WDR44: variants seen among roughly 807,000 people sequenced by gnomAD.
WDR44 encodes WD repeat-containing protein 44.
In WDR44, 9 loss-of-function variants were observed where a neutral mutation model predicts 65.7. That is an observed-to-expected ratio of 0.14 (90% CI 0.08 to 0.24). The LOEUF is 0.24. WDR44 is among the 10% of genes least tolerant of loss of function. The probability of loss-of-function intolerance (pLI) is 1.00; values close to 1 mark genes in which losing one functional copy is unlikely to be tolerated. For missense variants in WDR44, 425 were observed against 670.9 expected (o/e 0.63, Z 4.05); for synonymous variants, 220 against 235.2 (o/e 0.94, Z 0.59).
At chrX:118,433,444 G>C (rs983797021) in intron 13 of WDR44, among the ~76,000 whole-genome samples, 9 of 110,990 alleles carry the variant, frequency 8.1e-5, no homozygotes, top group Non-Finnish European at 1.7e-4. Flanking sequence ...TATGTACCAA[G>C]TACTTTTCAT....
At chrX:118,349,828 G>C (rs2056388791) in intron 1 of WDR44, among the ~76,000 whole-genome samples, 1 of 112,075 alleles carries the variant, frequency 8.9e-6, no homozygotes, top group African/African-American at 3.2e-5. Context: ...GATTACAGGC[G>C]TGAGCCACCG....
At chrX:118,446,901 G>A (rs763944876) in intron 19 of WDR44, among the ~76,000 whole-genome samples, 4 of 109,184 alleles carry the variant, frequency 3.7e-5, no homozygotes, top group South Asian at 7.8e-4. Flanking sequence ...ACATGGTGTC[G>A]CTCTGTTGCC....
At chrX:118,373,919 G>GTTTTATTTTA (rs760319937) in intron 1 of WDR44, among the ~76,000 whole-genome samples, 1 of 111,694 alleles carries the variant, frequency 9.0e-6, no homozygotes, top group African/African-American at 3.3e-5. Flanking sequence ...GATGGCCATT[G>GTTTTATTTTA]TTTTATTTTA....
intron 1 of WDR44, among the ~76,000 whole-genome samples, chrX:118,376,667 A>T (rs1384877285): frequency 8.9e-6 from 1 of 111,844 alleles, no homozygotes; most frequent in East Asian, 2.8e-4. Flanking sequence ...CAAAAAAAAA[A>T]TGTGGGGGAA....
rs2057212214 is a variant in WDR44, at chrX:118,431,627, A to G, written c.1738-1154A>G. Among the ~76,000 whole-genome samples the G allele has an allele frequency of 2.7e-5, 3 of 111,937 alleles. No homozygotes were observed. In the Admixed American group the frequency reaches 2.9e-4, roughly 11 times the overall value. On this transcript the variant is annotated intron_variant, in intron 12 of 19. Transcript: ENST00000254029. ...CAAGGCCTTTTTGAATGTGATCCCA[A>G]AGTACCTTTCTACCCTAATTTCTGA...
chrX:118,359,825 A>C (rs1260514576), intron 1 of WDR44, among the ~76,000 whole-genome samples: 2 of 112,520 alleles, frequency 1.8e-5, no homozygotes, highest in Non-Finnish European at 3.7e-5. Context: ...GTAATAATTC[A>C]CATCTTGAAG....
At chrX:118,349,389 G>GT (rs1385616379) in intron 1 of WDR44, among the ~76,000 whole-genome samples, 1 of 108,081 alleles carries the variant, frequency 9.3e-6, no homozygotes, top group Non-Finnish European at 1.9e-5. Flanking sequence ...TCAGCTAAAG[G>GT]TTTTTTTAGA....
chrX:118,431,507 T>C (rs914810889), intron 12 of WDR44, among the ~76,000 whole-genome samples: 4 of 111,130 alleles, frequency 3.6e-5, no homozygotes, highest in African/African-American at 1.3e-4. Context: ...TTCTCCATGT[T>C]GGTCAGGCTG....
chrX:118,418,273 A>G (rs1472707959), intron 12 of WDR44, among the ~76,000 whole-genome samples: 2 of 111,415 alleles, frequency 1.8e-5, no homozygotes, highest in African/African-American at 3.3e-5. Context: ...TTGTTTTGTC[A>G]AATTACCAGA....
chrX:118,407,239 G>A (rs2056974889), intron 10 of WDR44, among the ~76,000 whole-genome samples: 1 of 111,933 alleles, frequency 8.9e-6, no homozygotes, highest in African/African-American at 3.2e-5. Flanking sequence ...GGTGGCTCAC[G>A]CCTGTAATCC....
intron 1 of WDR44, among the ~76,000 whole-genome samples, chrX:118,352,352 A>ATAT (rs1357425730): frequency 2.8e-4 from 4 of 14,224 alleles, no homozygotes; most frequent in Admixed American, 1.8e-3. Flanking sequence ...ATATATATAT[A>ATAT]TTTTTTTTTT....
At chrX:118,438,030 T>TA (rs775585860) in intron 14 of WDR44, among the ~76,000 whole-genome samples, 13,855 of 86,729 alleles carry the variant, frequency 0.16, 1,256 homozygotes, top group African/African-American at 0.35. Flanking sequence ...TGTCTCAAAA[T>TA]AAAAAAAAAA....
intron 1 of WDR44, among the ~76,000 whole-genome samples, chrX:118,368,459 C>CTATATATATATA (rs757542334): frequency 0.025 from 1,789 of 72,789 alleles, 167 homozygotes; most frequent in Admixed American, 0.097. Flanking sequence ...GAAATAGTGA[C>CTATATATATATA]TATATATATA....
chrX:118,431,847 TTAATA>T (rs937862533), intron 12 of WDR44, among the ~76,000 whole-genome samples: 2 of 111,968 alleles, frequency 1.8e-5, no homozygotes, highest in Non-Finnish European at 3.8e-5. Context: ...TGTGTGGCCT[TTAATA>T]TATTATTTTA....
intron 18 of WDR44, among the ~76,000 whole-genome samples, chrX:118,443,896 A>G (rs1229283581): frequency 9.0e-6 from 1 of 110,903 alleles, no homozygotes; most frequent in Non-Finnish European, 1.9e-5. Flanking sequence ...TACAAAAAAA[A>G]TTAGCCGGGC....
chrX:118,400,885 G>A (rs2056907372), intron 8 of WDR44, among the ~76,000 whole-genome samples: 1 of 96,388 alleles, frequency 1.0e-5, no homozygotes, highest in African/African-American at 3.9e-5. Context: ...TGATCTCATT[G>A]TTCAATTCCC....
intron 17 of WDR44, 141 bp from the exon 18 acceptor site, chrX:118,443,419 T>TGA: frequency 2.9e-6 from 2 of 691,073 alleles, no homozygotes; most frequent in Non-Finnish European, 4.2e-6. Context: ...ACATCTAGAG[T>TGA]GAGACCATGG....
At chrX:118,356,111 C>T (rs1194773327) in intron 1 of WDR44, among the ~76,000 whole-genome samples, 3 of 111,944 alleles carry the variant, frequency 2.7e-5, no homozygotes, top group Admixed American at 9.5e-5. Flanking sequence ...TGCTAACTAA[C>T]GGTGGGCATT....
At chrX:118,430,096 A>C (rs1361748228) in intron 12 of WDR44, among the ~76,000 whole-genome samples, 2 of 111,894 alleles carry the variant, frequency 1.8e-5, no homozygotes, top group African/African-American at 6.5e-5. Flanking sequence ...GAAGATTGGT[A>C]AATTTCATGT....
Sources: allele counts gnomAD v4.1 joint callset (sites outside exome capture counted in the v4.1 genomes callset), GRCh38; gene constraint gnomAD v4.1.1; transcripts MANE v1.5; gene names NCBI Gene and HGNC (gene_info 2026-07-23, HGNC 2026-07-21).